Variants in DST observed in about 807,000 individuals in gnomAD.
DST encodes the protein bullous pemphigoid antigen.
In DST, 253 loss-of-function variants were observed where a neutral mutation model predicts 875.2. The observed-to-expected ratio is 0.29, with a 90% confidence interval of 0.26 to 0.32. The LOEUF is 0.32. Ranked by LOEUF, DST falls within the 10% of genes least tolerant of loss-of-function variation. The probability of loss-of-function intolerance (pLI) is 1.00; values close to 1 mark genes in which losing one functional copy is unlikely to be tolerated. For synonymous variants in DST, 3,124 were observed against 3,197.1 expected (o/e 0.98, Z 0.77); for missense variants, 8,287 against 9,111.6 (o/e 0.91, Z 3.68).
chr6:56,488,944 T>G (rs2095651834), intron 86 of DST, among the ~76,000 whole-genome samples: 1 of 152,196 alleles, frequency 6.6e-6, no homozygotes, highest in Non-Finnish European at 1.5e-5. Flanking sequence ...CTACATGCTT[T>G]TCTAGTCTAT....
At chr6:56,702,641 T>C (rs2099314487) in intron 7 of DST, among the ~76,000 whole-genome samples, 1 of 152,182 alleles carries the variant, frequency 6.6e-6, no homozygotes, top group Admixed American at 6.5e-5. Context: ...GAAACAATTA[T>C]TTTCTCAGTC....
intron 5 of DST, among the ~76,000 whole-genome samples, chr6:56,725,377 C>A (rs182809098): frequency 2.0e-5 from 3 of 152,282 alleles, no homozygotes; most frequent in South Asian, 2.1e-4. Context: ...TATTTCCCAG[C>A]GGGATGGCTA....
intron 9 of DST, among the ~76,000 whole-genome samples, chr6:56,682,213 C>T (rs2099160328): frequency 6.6e-6 from 1 of 152,118 alleles, no homozygotes; most frequent in Non-Finnish European, 1.5e-5. Context: ...TGCTGTGCCA[C>T]CCAGACTGGA....
intron 2 of DST, among the ~76,000 whole-genome samples, chr6:56,935,986 A>G (rs1323116602): frequency 1.3e-5 from 2 of 152,122 alleles, no homozygotes; most frequent in Non-Finnish European, 2.9e-5. Context: ...AAGAAAAGAA[A>G]CTTTTCCAAA....
Position 56,871,675 on chromosome 6 carries a change from A to C in DST, c.418-20071T>G, listed in dbSNP as rs959738371. The C allele has an allele frequency of 1.0e-4, 70 of 678,224 alleles. 1 individual carries two copies. The highest frequency in any genetic ancestry group is 1.7e-4 in the Non-Finnish European group (62 of 366,702). The allele number at this position is 678,224 out of a possible 1,614,324, so 42.0% of individuals were successfully genotyped here. ...GAACAAATTGTTCCTAAACCAGAAG[A>C]GGGGGTTGCCTAGAAGAAAAAGATA... On this transcript the variant is annotated intron_variant, in intron 3 of 103. Coordinates refer to ENST00000680361, the MANE Select transcript of DST (RefSeq NM_001374736.1).
In DST at chr6:56,489,613, GA is replaced by G; in HGVS notation, c.20758-5del. The G allele has an allele frequency of 6.2e-7, 1 of 1,607,088 alleles. No individual in the cohort carries two copies. Among genetic ancestry groups the G allele is most frequent in the Non-Finnish European group, 8.5e-7 (1 of 1,177,066 alleles). Reference sequence around the variant, plus strand: ...GTTTACTCCAAGCTTCATGGAACTAGAAAGAAATTCACACCTTTGTCTGAAA... The same window carrying G: ...GTTTACTCCAAGCTTCATGGAACTAGAAGAAATTCACACCTTTGTCTGAAA... On this transcript the variant is annotated splice_region_variant and splice_polypyrimidine_tract_variant and intron_variant, in intron 85 of 103. Coordinates refer to ENST00000680361, the MANE Select transcript of DST (RefSeq NM_001374736.1).
chr6:56,885,897 G>T (rs1454895397), intron 3 of DST, among the ~76,000 whole-genome samples: 2 of 152,212 alleles, frequency 1.3e-5, no homozygotes, highest in African/African-American at 4.8e-5. Flanking sequence ...ATCGATCTTA[G>T]TAATACTGAG....
intron 93 of DST, among the ~76,000 whole-genome samples, chr6:56,473,497 T>C (rs1360132403): frequency 6.6e-6 from 1 of 152,164 alleles, no homozygotes; most frequent in Non-Finnish European, 1.5e-5. Flanking sequence ...AACTAAGTCA[T>C]GAAGATTATC....
chr6:56,919,277 T>C (rs965994913), intron 2 of DST, among the ~76,000 whole-genome samples: 1 of 152,178 alleles, frequency 6.6e-6, no homozygotes, highest in African/African-American at 2.4e-5. Context: ...TGCAAAATTA[T>C]AAAACATTCT....
At chr6:56,559,362 G>C (rs2097494942) in intron 58 of DST, among the ~76,000 whole-genome samples, 1 of 152,028 alleles carries the variant, frequency 6.6e-6, no homozygotes, top group South Asian at 2.1e-4. Context: ...AACTTGACAG[G>C]AATCTCTATA....
intron 4 of DST, among the ~76,000 whole-genome samples, chr6:56,839,473 CAGTT>C (rs764924812): frequency 6.6e-6 from 1 of 152,160 alleles, no homozygotes; most frequent in Non-Finnish European, 1.5e-5. Context: ...TGATGCAGCA[CAGTT>C]AAAGTTCATT....
intron 4 of DST, among the ~76,000 whole-genome samples, chr6:56,739,425 C>T (rs13210876): frequency 0.23 from 35,599 of 151,816 alleles, 5,458 homozygotes; most frequent in African/African-American, 0.43. Flanking sequence ...CTGTACTTCC[C>T]TCATTTACTC....
chr6:56,833,897 A>C (rs202204144), intron 4 of DST, among the ~76,000 whole-genome samples: 7 of 151,774 alleles, frequency 4.6e-5, no homozygotes, highest in Admixed American at 1.3e-4. Flanking sequence ...TATACAAAAA[A>C]CTCCAAAACT....
chr6:56,897,574 G>A (rs1310714346), intron 3 of DST, among the ~76,000 whole-genome samples: 1 of 152,000 alleles, frequency 6.6e-6, no homozygotes, highest in East Asian at 1.9e-4. Flanking sequence ...CAAGTGTTTT[G>A]CCCACCTTGG....
intron 61 of DST, chr6:56,540,236 C>T (rs1352551232): frequency 2.0e-5 from 3 of 152,558 alleles, no homozygotes; most frequent in South Asian, 2.1e-4. Context: ...TTAGCAGAAC[C>T]GCAAACTTTT....
Position 56,530,017 on chromosome 6 carries a change from C to T in DST, c.17225G>A (p.Gly5742Glu). ...EKRLVNCEPI[G>E]TQASKLEEQI... ...TTCCTCAAGTTTAGATGCTTGGGTT[C>T]CTATGGGTTCACAATTCACCAGCCT... The change falls in exon 65 of 104, where the codon GGA becomes GAA. Residue 5742 changes from glycine (G) to glutamate (E), a missense_variant. Around this residue, in one of 10 missense-constraint regions of DST, gnomAD observed 777 missense variants for 764.8 expected, o/e 1.02. Coordinates refer to ENST00000680361, the MANE Select transcript of DST (RefSeq NM_001374736.1). 1 of 1,613,356 alleles carries T rather than the reference C, an allele frequency of 6.2e-7. No individual in the cohort carries two copies. The highest frequency in any genetic ancestry group is 1.3e-5 in the African/African-American group (1 of 74,932).
intron 23 of DST, among the ~76,000 whole-genome samples, chr6:56,636,235 C>CATTTAT (rs1554540847): frequency 7.0e-6 from 1 of 142,750 alleles, no homozygotes; most frequent in African/African-American, 2.8e-5. Flanking sequence ...AAACAATTCA[C>CATTTAT]ATATATATAT....
chr6:56,775,043 A>G (rs755755607), intron 4 of DST, among the ~76,000 whole-genome samples: 4 of 151,762 alleles, frequency 2.6e-5, no homozygotes, highest in Admixed American at 6.6e-5. Context: ...AACATCCGGG[A>G]GTCTACAGAT....
At chr6:56,543,174 C>T (rs749292031) in intron 61 of DST, among the ~76,000 whole-genome samples, 2 of 152,196 alleles carry the variant, frequency 1.3e-5, no homozygotes, top group Non-Finnish European at 2.9e-5. Flanking sequence ...CATTTGAATA[C>T]TAAATGGGAA....
Sources: allele counts gnomAD v4.1 joint callset (sites outside exome capture counted in the v4.1 genomes callset), GRCh38; gene constraint gnomAD v4.1.1; regional missense constraint gnomAD v4.1.1; transcripts MANE v1.5; gene names NCBI Gene and HGNC (gene_info 2026-07-23, HGNC 2026-07-21).